ROS1: variants seen among roughly 807,000 people sequenced by gnomAD.
ROS1 encodes the protein proto-oncogene tyrosine-protein kinase ROS.
In ROS1, 263 loss-of-function variants were observed where a neutral mutation model predicts 273.5. The observed-to-expected ratio is 0.96, with a 90% CI of 0.87 to 1.06. ROS1 has a LOEUF of 1.06. Ranked by LOEUF, ROS1 falls within the 50% of genes least tolerant of loss-of-function variation. The probability of loss-of-function intolerance (pLI) is 0.00; values close to 1 mark genes in which losing one functional copy is unlikely to be tolerated. For missense variants in ROS1, 2,833 were observed against 2,751.1 expected (o/e 1.03, Z -0.67); for synonymous variants, 1,008 against 954.1 (o/e 1.06, Z -1.04).
At position 117,342,545 on chromosome 6, in the gene ROS1, CTG is replaced by C; in HGVS notation, c.4507-3_4507-2del. On this transcript the variant is annotated splice_acceptor_variant and splice_polypyrimidine_tract_variant and intron_variant, in intron 28 of 43. Coordinates refer to ENST00000368507, the MANE Select transcript of ROS1 (RefSeq NM_001378902.1). LOFTEE classifies it high-confidence loss of function. ...TAAGAGCTATACTGTCCTGAAATTC[CTG>C]TAATTGATTTTTTAAAAATCAACAT... 1 of 1,466,032 alleles carries C rather than the reference CTG, an allele frequency of 6.8e-7. No homozygotes were observed. The highest frequency in any genetic ancestry group is 9.1e-7 in the Non-Finnish European group (1 of 1,095,792). 90.8% of individuals were successfully genotyped at this position (1,466,032 alleles called of 1,614,324 possible). A position where few individuals can be genotyped will look rare whatever the true frequency, so the allele number is the denominator to read the frequency against.
intron 33 of ROS1, among the ~76,000 whole-genome samples, chr6:117,327,551 CGTT>C (rs756152753): frequency 6.6e-6 from 1 of 152,086 alleles, no homozygotes; most frequent in Non-Finnish European, 1.5e-5. Flanking sequence ...CTTTACATAA[CGTT>C]GTTTTAATTC....
intron 31 of ROS1, among the ~76,000 whole-genome samples, chr6:117,338,381 A>G (rs1223557329): frequency 6.6e-6 from 1 of 151,984 alleles, no homozygotes; most frequent in Admixed American, 6.6e-5. Flanking sequence ...ATGAAAACTT[A>G]AAAAAATAGA....
chr6:117,396,158 T>C, intron 9 of ROS1, 30 bp downstream of exon 9: 1 of 1,582,252 alleles, frequency 6.3e-7, no homozygotes, highest in Non-Finnish European at 8.7e-7. Flanking sequence ...CTCATTCCTG[T>C]GTAGCTAAAG....
intron 18 of ROS1, among the ~76,000 whole-genome samples, chr6:117,370,059 G>A (rs1780644758): frequency 6.6e-6 from 1 of 152,050 alleles, no homozygotes; most frequent in African/African-American, 2.4e-5. Flanking sequence ...ATGGATGTAT[G>A]TGTATAAATC....
rs1157208285 is a variant in ROS1 at position 117,379,144 on chromosome 6, A to C, written c.2497T>G (p.Leu833Val). The change falls in exon 18 of 44, where the codon TTA (leucine) becomes GTA (valine). Residue 833 changes from leucine (L) to valine (V), a missense_variant. By Grantham distance (32) the Leu-to-Val change is conservative. Coordinates refer to ENST00000368507, the MANE Select transcript of ROS1 (RefSeq NM_001378902.1). Reference sequence around the variant, plus strand: ...TACAGGAGCCCATCACTGAGGTCTAAAGTTAGAGCAATTACCTAAGTAGAA... The same window carrying C: ...TACAGGAGCCCATCACTGAGGTCTACAGTTAGAGCAATTACCTAAGTAGAA... ...FSGKKVIALT[L>V]DLSDGLLYWL... is the part of the protein sequence containing the mutation. 4.3e-6 allele frequency: 7 copies of C among 1,609,330 alleles called. No individual in the cohort carries two copies. The highest frequency in any genetic ancestry group is 6.0e-6 in the Non-Finnish European group (7 of 1,176,092).
In ROS1 at chr6:117,386,992, T is replaced by C; in HGVS notation, c.2007A>G (p.Glu669=). 1.3e-6 allele frequency: 2 copies of C among 1,596,158 alleles called. No individual in the cohort carries two copies. Among genetic ancestry groups the C allele is most frequent in the Non-Finnish European group, 1.7e-6 (2 of 1,165,000 alleles). The stretch of plus-strand genomic sequence containing the variant: ...CTTTCACAGCCATGATAAATGGTGG[T>C]TCACTAGCTGTTTAGTAAAAAAGAA... ...SVGTTLVPAS[E]PPFIMAVKED... is the part of the protein sequence containing the mutation. Residue 669 remains glutamate, a synonymous_variant, in exon 15 of 44, where the codon GAA becomes GAG. Coordinates refer to ENST00000368507, the MANE Select transcript of ROS1 (RefSeq NM_001378902.1).
intron 2 of ROS1, among the ~76,000 whole-genome samples, chr6:117,417,966 T>C (rs1485789438): frequency 6.6e-6 from 1 of 152,200 alleles, no homozygotes; most frequent in Non-Finnish European, 1.5e-5. Context: ...GTCTCTCTGG[T>C]TTTAAGTATG....
chr6:117,367,299 A>G (rs1253748514), intron 18 of ROS1, among the ~76,000 whole-genome samples: 1 of 150,798 alleles, frequency 6.6e-6, no homozygotes, highest in African/African-American at 2.4e-5. Context: ...GGATTTGAAA[A>G]AAAGACACAC....
intron 36 of ROS1, 23 bp downstream of exon 36, chr6:117,321,236 T>C (rs1187579395): frequency 1.3e-5 from 21 of 1,607,080 alleles, no homozygotes; most frequent in Non-Finnish European, 1.7e-5. Flanking sequence ...AGGTGCTCCA[T>C]AATGATGGCC....
intron 34 of ROS1, 147 bp from the exon 35 acceptor site, chr6:117,324,562 C>T (rs1582623332): frequency 1.8e-6 from 1 of 556,736 alleles, no homozygotes; most frequent in East Asian, 3.1e-5. Context: ...AGCTTGAAAG[C>T]ATCCATACAG....
At chr6:117,348,116 G>A (rs1010325490) in intron 27 of ROS1, among the ~76,000 whole-genome samples, 1 of 152,132 alleles carries the variant, frequency 6.6e-6, no homozygotes, top group South Asian at 2.1e-4. Context: ...CTAATTGGAA[G>A]TAGGCCCTCT....
intron 18 of ROS1, among the ~76,000 whole-genome samples, chr6:117,371,968 G>A (rs1282438394): frequency 6.6e-6 from 1 of 152,142 alleles, no homozygotes; most frequent in Non-Finnish European, 1.5e-5. Flanking sequence ...CCCCAACTGA[G>A]GGTCTTTCTC....
At chr6:117,398,697 A>C (rs1024168404) in intron 7 of ROS1, among the ~76,000 whole-genome samples, 1 of 149,968 alleles carries the variant, frequency 6.7e-6, no homozygotes, top group Non-Finnish European at 1.5e-5. Context: ...AAAAAAAAAA[A>C]CTCGCGGTGA....
intron 43 of ROS1, 36 bp from the exon 44 acceptor site, chr6:117,288,838 TTTAA>T (rs772054452): frequency 6.8e-7 from 1 of 1,478,740 alleles, no homozygotes; most frequent in Non-Finnish European, 9.1e-7. Context: ...CTAGCATGTA[TTTAA>T]TTATTTATTT....
chr6:117,320,148 T>C lies in ROS1; in HGVS notation c.5760-118A>G. ...AGAAATATCTCATGGCTTTGCAGTA[T>C]TGTGTGTTTTATGTGACACGGTGAT... On this transcript the variant is annotated intron_variant, in intron 36 of 43. Coordinates refer to ENST00000368507, the MANE Select transcript of ROS1 (RefSeq NM_001378902.1). The C allele has an allele frequency of 1.0e-5, 9 of 884,748 alleles. No homozygotes were observed. The South Asian group carries it at 1.2e-4, about 12-fold the overall frequency. The allele number at this position is 884,748 out of a possible 1,614,324, so 54.8% of individuals were successfully genotyped here. A position where few individuals can be genotyped will look rare whatever the true frequency, so the allele number is the denominator to read the frequency against.
chr6:117,361,535 A>G (rs1294238007), intron 22 of ROS1, among the ~76,000 whole-genome samples: 1 of 148,162 alleles, frequency 6.7e-6, no homozygotes, highest in East Asian at 1.9e-4. Context: ...ATTTGAAACT[A>G]TATATCTATA....
intron 43 of ROS1, among the ~76,000 whole-genome samples, chr6:117,294,948 T>A (rs553753061): frequency 6.6e-6 from 1 of 152,104 alleles, no homozygotes; most frequent in East Asian, 1.9e-4. Context: ...TTCACAGAAA[T>A]AGAAAAAAAT....
intron 42 of ROS1, chr6:117,301,777 C>T (rs72963538): frequency 0.033 from 5,006 of 152,338 alleles, 143 homozygotes; most frequent in Non-Finnish European, 0.046. Context: ...TACTCCATTC[C>T]ACACAGATAT....
At chr6:117,326,175 C>T (rs1034877609) in intron 34 of ROS1, 49 bp downstream of exon 34, 2 of 1,086,880 alleles carry the variant, frequency 1.8e-6, no homozygotes, top group Non-Finnish European at 2.6e-6. Context: ...ATATTTATTA[C>T]TGAACCTTTA....
Sources: allele counts gnomAD v4.1 joint callset (sites outside exome capture counted in the v4.1 genomes callset), GRCh38; gene constraint gnomAD v4.1.1; transcripts MANE v1.5; gene names NCBI Gene and HGNC (gene_info 2026-07-23, HGNC 2026-07-21).